The following ATG7 variants were observed in gnomAD, a reference collection of about 807,000 sequenced individuals.
The protein encoded by ATG7 is ubiquitin-like modifier-activating enzyme ATG7.
A neutral mutation model predicts 82.4 loss-of-function variants in ATG7; 70 were observed. That is an observed-to-expected ratio of 0.85 (90% CI 0.70 to 1.04). The LOEUF (loss-of-function observed/expected upper bound fraction) is 1.04. ATG7 is among the 50% of genes least tolerant of loss of function. The probability of loss-of-function intolerance (pLI) is 0.00; values close to 1 mark genes in which losing one functional copy is unlikely to be tolerated. For synonymous variants in ATG7, 287 were observed against 313.0 expected (o/e 0.92, Z 0.88); for missense variants, 792 against 864.3 (o/e 0.92, Z 1.05).
At chr3:11,527,547 T>A (rs1479715022) in intron 20 of ATG7, among the ~76,000 whole-genome samples, 1 of 152,210 alleles carries the variant, frequency 6.6e-6, no homozygotes, top group African/African-American at 2.4e-5. Flanking sequence ...CTATTTTTCA[T>A]GCTACATAAA....
chr3:11,398,775 C>T (rs1325242413), intron 19 of ATG7, among the ~76,000 whole-genome samples: 1 of 152,108 alleles, frequency 6.6e-6, no homozygotes. Flanking sequence ...TGCTTAAGCC[C>T]GGGAGTTTGA....
chr3:11,512,409 C>T (rs988966665), intron 20 of ATG7, among the ~76,000 whole-genome samples: 4 of 152,226 alleles, frequency 2.6e-5, no homozygotes, highest in African/African-American at 9.6e-5. Flanking sequence ...GCAGTACATC[C>T]ACTCTCTGAG....
At chr3:11,529,125 T>G (rs1405311779) in intron 20 of ATG7, among the ~76,000 whole-genome samples, 3 of 151,690 alleles carry the variant, frequency 2.0e-5, no homozygotes, top group African/African-American at 7.3e-5. Context: ...CAGGAGGGCA[T>G]GGGAGGGGGA....
chr3:11,402,179 T>C (rs1445883932), intron 19 of ATG7, among the ~76,000 whole-genome samples: 1 of 152,196 alleles, frequency 6.6e-6, no homozygotes, highest in African/African-American at 2.4e-5. Flanking sequence ...ACACCTGTAA[T>C]CTCAGCATTT....
At chr3:11,484,539 TTC>T (rs1336958549) in intron 20 of ATG7, among the ~76,000 whole-genome samples, 1 of 152,168 alleles carries the variant, frequency 6.6e-6, no homozygotes, top group Non-Finnish European at 1.5e-5. Context: ...CCAGGATATT[TTC>T]TTTTTCTTTT....
At chr3:11,519,861 G>A (rs2092397483) in intron 20 of ATG7, among the ~76,000 whole-genome samples, 1 of 151,904 alleles carries the variant, frequency 6.6e-6, no homozygotes, top group South Asian at 2.1e-4. Flanking sequence ...ATGCCCAGCC[G>A]AGAGGAGTTT....
chr3:11,574,302 A>T, the ATG7 span, among the ~76,000 whole-genome samples: 38,466 of 152,104 alleles, frequency 0.25, 6,188 homozygotes, highest in Non-Finnish European at 0.37. Context: ...AAGTTTTTAA[A>T]GCTTCCTCTG....
chr3:11,510,379 G>T, intron 20 of ATG7: 2 of 378,414 alleles, frequency 5.3e-6, no homozygotes, highest in Admixed American at 3.3e-5. Flanking sequence ...CCCTGCCCCA[G>T]TTTAAAAAAA....
intron 20 of ATG7, among the ~76,000 whole-genome samples, chr3:11,496,325 C>A (rs1050175477): frequency 6.6e-6 from 1 of 152,212 alleles, no homozygotes; most frequent in East Asian, 1.9e-4. Flanking sequence ...CTGTAAGGAG[C>A]AGTGGGAGGT....
chr3:11,556,679 A>ACATAT lies in ATG7; in HGVS notation c.*1840_*1844dup, dbSNP rs1268382967. ...TAGGAAAGGGAAAAATTAAATAGCTACATATCATTAACAAATTAATGTTCT... is the reference window on the plus strand; with the variant it reads ...TAGGAAAGGGAAAAATTAAATAGCTACATATCATATCATTAACAAATTAATGTTCT... On this transcript the variant is annotated 3_prime_UTR_variant, in exon 21 of 21. Transcript: ENST00000693202. 6.5e-6 allele frequency: 1 copy of ACATAT among 152,762 alleles called. No homozygotes were observed. Among genetic ancestry groups the ACATAT allele is most frequent in the East Asian group, 1.9e-4 (1 of 5,302 alleles). The allele number at this position is 152,762 out of a possible 1,614,324, so 9.5% of individuals were successfully genotyped here. A position where few individuals can be genotyped will look rare whatever the true frequency, so the allele number is the denominator to read the frequency against.
chr3:11,348,111 T>C, intron 14 of ATG7, 76 bp downstream of exon 14: 1 of 1,508,284 alleles, frequency 6.6e-7, no homozygotes, highest in Non-Finnish European at 8.9e-7. Flanking sequence ...GCCTGTGGCA[T>C]TGAAGAAAGA....
In ATG7 at chr3:11,497,763, C is replaced by G. The variant is rs112648703; in HGVS notation, c.2080-57048C>G. 6.5e-3 allele frequency among the ~76,000 whole-genome samples: 993 copies of G among 152,054 alleles called. 9 individuals carry two copies. Among genetic ancestry groups the G allele is most frequent in the African/African-American group, 0.023 (944 of 41,466 alleles). ...CGAGGCTGGTTTTAGTTTCCCATGT[C>G]TCTGCCAATATTCCCATCTGCTGTA... On this transcript the variant is annotated intron_variant, in intron 20 of 20. Transcript: ENST00000693202.
chr3:11,351,446 G>A (rs2075536852), intron 14 of ATG7, among the ~76,000 whole-genome samples: 1 of 152,090 alleles, frequency 6.6e-6, no homozygotes, highest in African/African-American at 2.4e-5. Flanking sequence ...GGATGAGTGT[G>A]GTACTTTTGT....
At chr3:11,511,663 A>T (rs2092065174) in intron 20 of ATG7, among the ~76,000 whole-genome samples, 2 of 152,054 alleles carry the variant, frequency 1.3e-5, no homozygotes, top group African/African-American at 4.8e-5. Context: ...CTCGTCGGGG[A>T]GGCTCCGGCC....
At chr3:11,490,083 A>C (rs1191227763) in intron 20 of ATG7, among the ~76,000 whole-genome samples, 1 of 152,090 alleles carries the variant, frequency 6.6e-6, no homozygotes, top group Non-Finnish European at 1.5e-5. Context: ...GGGGTGTTAA[A>C]GTCTCCCATT....
At chr3:11,542,769 T>C (rs548569016) in intron 20 of ATG7, among the ~76,000 whole-genome samples, 3 of 152,282 alleles carry the variant, frequency 2.0e-5, no homozygotes, top group Admixed American at 2.0e-4. Flanking sequence ...GTTTCCAGCC[T>C]GGGCTCTGTT....
intron 20 of ATG7, among the ~76,000 whole-genome samples, chr3:11,483,269 C>A (rs756435118): frequency 1.3e-5 from 2 of 152,098 alleles, no homozygotes; most frequent in South Asian, 4.1e-4. Flanking sequence ...AGAAGCTTGA[C>A]GAGAAGAGAA....
At chr3:11,563,266 G>A in the ATG7 span, among the ~76,000 whole-genome samples, 2 of 152,300 alleles carry the variant, frequency 1.3e-5, 1 homozygote, top group African/African-American at 4.8e-5. Flanking sequence ...TGTCCTTCAG[G>A]GACTCCCCAA....
intron 20 of ATG7, among the ~76,000 whole-genome samples, chr3:11,522,578 C>G (rs1348435640): frequency 2.6e-5 from 4 of 152,148 alleles, no homozygotes; most frequent in African/African-American, 9.7e-5. Flanking sequence ...CTGGACAGAG[C>G]TGGGAGGGGC....
Sources: gnomAD v4.1 joint callset for allele counts (sites outside exome capture counted in the v4.1 genomes callset) on GRCh38, gnomAD v4.1.1 for gene constraint, MANE v1.5 for transcripts, NCBI Gene and HGNC (gene_info 2026-07-23, HGNC 2026-07-21) for gene names.